GRAPL: variants seen among roughly 807,000 people sequenced by gnomAD.
The protein encoded by GRAPL is GRB2 related adaptor protein like.
intron 3 of GRAPL, among the ~76,000 whole-genome samples, chr17:19,144,646 C>T (rs1204817571): frequency 8.0e-6 from 1 of 125,596 alleles, no homozygotes; most frequent in Non-Finnish European, 1.6e-5. Context: ...CTCTCACCAA[C>T]TCAGGCCCAC....
intron 3 of GRAPL, among the ~76,000 whole-genome samples, chr17:19,147,050 T>TGCGCGCGC (rs202183900): frequency 1.7e-5 from 2 of 119,650 alleles, no homozygotes; most frequent in African/African-American, 4.2e-5. Context: ...TGTGTGTGTG[T>TGCGCGCGC]GCGCGCGCGC....
chr17:19,143,133 C>T (rs1158679919), intron 3 of GRAPL: 1 of 80,440 alleles, frequency 1.2e-5, no homozygotes, highest in Non-Finnish European at 1.9e-5. Context: ...ATGGCCACCT[C>T]GGAAAATGAC....
intron 3 of GRAPL, among the ~76,000 whole-genome samples, chr17:19,147,013 A>AGGG (rs1442619554): frequency 1.2e-5 from 1 of 85,156 alleles, no homozygotes; most frequent in Non-Finnish European, 1.9e-5. Context: ...CAGGAGAGGT[A>AGGG]GGGGTGTGTG....
In GRAPL at chr17:19,147,016, GGTGTGTGTGTGT is replaced by G. The variant is rs764286470; in HGVS notation, c.299+8452_299+8463del. 1.4e-4 allele frequency among the ~76,000 whole-genome samples: 14 copies of G among 98,558 alleles called. 3 individuals carry two copies. The highest frequency in any genetic ancestry group is 5.7e-4 in the African/African-American group (9 of 15,704). 64.7% of individuals were successfully genotyped at this position (98,558 alleles called of 152,430 possible). ...CAATTTACAACCCAGGAGAGGTAGGGGTGTGTGTGTGTGTGTGTGTGTGTGTGTGTGTGTGCG... is the reference window on the plus strand; with the variant it reads ...CAATTTACAACCCAGGAGAGGTAGGGGTGTGTGTGTGTGTGTGTGTGTGCG... On this transcript the variant is annotated intron_variant, in intron 3 of 3. Transcript: ENST00000344415.
At chr17:19,150,069 G>A (rs1461735614) in intron 3 of GRAPL, among the ~76,000 whole-genome samples, 1 of 10,754 alleles carries the variant, frequency 9.3e-5, no homozygotes. Flanking sequence ...GCAAGACTCC[G>A]TCTCAAAAAA....
At chr17:19,148,894 C>T (rs1249691662) in intron 3 of GRAPL, among the ~76,000 whole-genome samples, 4 of 123,282 alleles carry the variant, frequency 3.2e-5, no homozygotes, top group East Asian at 4.2e-4. Context: ...GGTGACAGAG[C>T]GAGACCACGC....
chr17:19,143,083 G>A (rs1305915171), intron 3 of GRAPL: 2 of 98,258 alleles, frequency 2.0e-5, no homozygotes, highest in Non-Finnish European at 3.2e-5. Flanking sequence ...AGCAGCACAG[G>A]GAGTCAGGGA....
chr17:19,144,845 C>T lies in GRAPL; in HGVS notation c.299+6257C>T, dbSNP rs1324640571. Among the ~76,000 whole-genome samples the T allele has an allele frequency of 9.1e-5, 7 of 77,120 alleles. No individual in the cohort carries two copies. In the South Asian group the frequency reaches 3.4e-3, roughly 38 times the overall value. 50.6% of individuals were successfully genotyped at this position (77,120 alleles called of 152,430 possible). On this transcript the variant is annotated intron_variant, in intron 3 of 3. Transcript: ENST00000344415. ...GTCTGGAGAGGCCCCAGAGGGTAGC[C>T]CCAGTCTGGGGGATTCTCAAATGCT... is the stretch of plus-strand genomic sequence containing the variant.
At chr17:19,149,383 C>G (rs1364905713) in intron 3 of GRAPL, among the ~76,000 whole-genome samples, 1 of 89,986 alleles carries the variant, frequency 1.1e-5, no homozygotes, top group Non-Finnish European at 1.8e-5. Flanking sequence ...TATCTAGTCT[C>G]TGATCTTATG....
At chr17:19,130,584 AAAAAAAG>A (rs1347835681) in intron 1 of GRAPL, among the ~76,000 whole-genome samples, 5 of 97,926 alleles carry the variant, frequency 5.1e-5, no homozygotes, top group Middle Eastern at 4.7e-3. Flanking sequence ...AAAAAGAAAA[AAAAAAAG>A]AAAAAAGAAA....
chr17:19,147,070 T>C (rs948067691), intron 3 of GRAPL, among the ~76,000 whole-genome samples: 1 of 138,408 alleles, frequency 7.2e-6, no homozygotes, highest in Admixed American at 7.1e-5. Context: ...CGCGCGTGCA[T>C]GTGTCCCATC....
chr17:19,144,607 A>G (rs1188898685), intron 3 of GRAPL, among the ~76,000 whole-genome samples: 2 of 139,118 alleles, frequency 1.4e-5, no homozygotes, highest in Non-Finnish European at 3.0e-5. Flanking sequence ...GGCACTGCCC[A>G]CTGAAGTGAA....
chr17:19,146,642 C>CAA (rs768248780), intron 3 of GRAPL, among the ~76,000 whole-genome samples: 1 of 51,456 alleles, frequency 1.9e-5, no homozygotes, highest in Non-Finnish European at 3.3e-5. Flanking sequence ...GACTCCGTCT[C>CAA]AAAAAAAAAA....
At chr17:19,149,795 G>A (rs2152190221) in intron 3 of GRAPL, among the ~76,000 whole-genome samples, 1 of 97,950 alleles carries the variant, frequency 1.0e-5, no homozygotes, top group Non-Finnish European at 1.6e-5. Context: ...TGGGCACAGT[G>A]GCTCATGCCT....
chr17:19,148,836 A>C (rs1362303914), intron 3 of GRAPL, among the ~76,000 whole-genome samples: 1 of 106,770 alleles, frequency 9.4e-6, no homozygotes, highest in Non-Finnish European at 1.9e-5. Flanking sequence ...TGAACCTGGG[A>C]GGCGGAGCTT....
rs1449568064 is a variant in GRAPL, at chr17:19,147,048, TGTGCGCGCGC to T, written c.299+8462_299+8471del. On this transcript the variant is annotated intron_variant, in intron 3 of 3. Transcript: ENST00000344415. ...GTGTGTGTGTGTGTGTGTGTGTGTGTGTGCGCGCGCGCGCGCGTGCATGTGTCCCATCAAG... is the reference window on the plus strand; with the variant it reads ...GTGTGTGTGTGTGTGTGTGTGTGTGTGCGCGCGTGCATGTGTCCCATCAAG... Among the ~76,000 whole-genome samples the T allele has an allele frequency of 0.01, 1,290 of 125,936 alleles. 91 individuals are homozygous for T. In the East Asian group the frequency reaches 0.26, roughly 26 times the overall value. 82.6% of individuals were successfully genotyped at this position (125,936 alleles called of 152,430 possible).
At chr17:19,149,011 G>A (rs921032722) in intron 3 of GRAPL, among the ~76,000 whole-genome samples, 2 of 131,880 alleles carry the variant, frequency 1.5e-5, no homozygotes, top group Non-Finnish European at 3.2e-5. Context: ...TGGCTGGAAG[G>A]CTGGGCACAG....
At chr17:19,148,920 A>AAG (rs1178092623) in intron 3 of GRAPL, among the ~76,000 whole-genome samples, 1 of 135,520 alleles carries the variant, frequency 7.4e-6, no homozygotes, top group Non-Finnish European at 1.6e-5. Flanking sequence ...AAAAAAAAAA[A>AAG]AAAAGAAAAG....
At chr17:19,136,757 CA>C (rs2044658069) in intron 2 of GRAPL, among the ~76,000 whole-genome samples, 1 of 90,274 alleles carries the variant, frequency 1.1e-5, no homozygotes, top group African/African-American at 2.9e-5. Context: ...CACGGAATGC[CA>C]TCCACTGGGT....
Sources: allele counts gnomAD v4.1 joint callset (sites outside exome capture counted in the v4.1 genomes callset), GRCh38; gene constraint gnomAD v4.1.1; transcripts MANE v1.5; gene names NCBI Gene and HGNC (gene_info 2026-07-23, HGNC 2026-07-21).